P4HA1: variants seen among roughly 807,000 people sequenced by gnomAD.
P4HA1 encodes prolyl 4-hydroxylase subunit alpha 1, also known as prolyl 4-hydroxylase subunit alpha-1.
In P4HA1, 24 loss-of-function variants were observed where a neutral mutation model predicts 72.8. The ratio of observed to expected loss-of-function variants is 0.33; its 90% CI spans 0.24 to 0.46. The LOEUF (loss-of-function observed/expected upper bound fraction) is 0.46. Ranked by LOEUF, P4HA1 falls within the 20% of genes least tolerant of loss-of-function variation. The pLI, the probability that P4HA1 is intolerant of heterozygous loss-of-function variation, is 1.00. For missense variants in P4HA1, 446 were observed against 640.6 expected, an observed-to-expected ratio of 0.70 and a Z score of 3.28; for synonymous variants, 201 against 218.8, an observed-to-expected ratio of 0.92 and a Z score of 0.72.
chr10:73,083,824 G>C (rs1222947688), intron 1 of P4HA1, among the ~76,000 whole-genome samples: 1 of 151,906 alleles, frequency 6.6e-6, no homozygotes, highest in Non-Finnish European at 1.5e-5. Flanking sequence ...ATATGTAACA[G>C]GTTTTTTAAA....
intron 11 of P4HA1, 152 bp from the exon 12 acceptor site, chr10:73,014,441 C>T: frequency 1.6e-6 from 1 of 611,426 alleles, no homozygotes; most frequent in Non-Finnish European, 2.9e-6. Context: ...CTATAAACAT[C>T]AGGCAATCTT....
chr10:73,035,508 C>T (rs1211038372), intron 9 of P4HA1, among the ~76,000 whole-genome samples: 1 of 151,990 alleles, frequency 6.6e-6, no homozygotes, highest in Non-Finnish European at 1.5e-5. Context: ...AGAATGAGAC[C>T]TCATCTCTTA....
At chr10:73,094,331 TAG>T (rs928284082) in intron 1 of P4HA1, among the ~76,000 whole-genome samples, 5 of 152,148 alleles carry the variant, frequency 3.3e-5, no homozygotes, top group Non-Finnish European at 7.4e-5. Flanking sequence ...TAGATACCCT[TAG>T]AGAGTAACTT....
intron 5 of P4HA1, among the ~76,000 whole-genome samples, chr10:73,059,636 A>G (rs1841262326): frequency 6.6e-6 from 1 of 151,004 alleles, no homozygotes; most frequent in Non-Finnish European, 1.5e-5. Context: ...CCAGCTACTC[A>G]GGAGGCTGAG....
chr10:73,069,112 C>G (rs966430288), intron 4 of P4HA1, 129 bp from the exon 5 acceptor site: 2 of 658,512 alleles, frequency 3.0e-6, no homozygotes, highest in Middle Eastern at 3.7e-4. Flanking sequence ...TCTACATACT[C>G]AACAAGAAAA....
rs200745198 is a variant in P4HA1, at chr10:73,009,821, A to G, written c.1520T>C (p.Val507Ala). The part of the protein sequence containing the change: ...STRHAACPVL[V>A]GNKWVSNKWL... Reference sequence around the variant, plus strand: ...GAAATATTTACCCCATTTGTTGCCAACTAGCACTGGACAGGCTGCATGCCG... The same window carrying G: ...GAAATATTTACCCCATTTGTTGCCAGCTAGCACTGGACAGGCTGCATGCCG... Residue 507 changes from valine (V) to alanine (A), a missense_variant, in exon 14 of 15, where the codon GTT becomes GCT. Physicochemically the swap from Val to Ala is moderately conservative, Grantham distance 64. Coordinates refer to ENST00000394890, the MANE Select transcript of P4HA1 (RefSeq NM_001017962.3). The G allele has an allele frequency of 1.3e-6, 2 of 1,591,616 alleles. No homozygotes were observed. Among genetic ancestry groups the G allele is most frequent in the Non-Finnish European group, 8.6e-7 (1 of 1,159,606 alleles).
At chr10:73,008,342 TTTAA>T (rs759580295) in intron 14 of P4HA1, 50 bp from the exon 15 acceptor site, 3 of 1,144,510 alleles carry the variant, frequency 2.6e-6, no homozygotes, top group Admixed American at 3.5e-5. Context: ...CTAATCAGTA[TTTAA>T]TTAGTTTCTA....
intron 4 of P4HA1, among the ~76,000 whole-genome samples, chr10:73,069,812 T>C (rs1449476053): frequency 7.0e-6 from 1 of 143,342 alleles, no homozygotes; most frequent in Non-Finnish European, 1.5e-5. Context: ...AACTGTTTTG[T>C]TTTTTTTTTT....
chr10:73,047,150 T>C (rs769556412), intron 7 of P4HA1, 49 bp from the exon 8 acceptor site: 2 of 1,253,560 alleles, frequency 1.6e-6, no homozygotes, highest in African/African-American at 3.0e-5. Context: ...TAATAATACT[T>C]TTAATATCTA....
intron 9 of P4HA1, chr10:73,043,812 G>A: frequency 9.2e-7 from 1 of 1,085,378 alleles, no homozygotes; most frequent in South Asian, 1.3e-5. Context: ...ACTATATCAT[G>A]AGTTTTCAGA....
intron 1 of P4HA1, among the ~76,000 whole-genome samples, chr10:73,075,859 C>T (rs76886564): frequency 0.07 from 10,694 of 152,022 alleles, 634 homozygotes; most frequent in East Asian, 0.3. Flanking sequence ...GCGTGAGCCA[C>T]GGCACCCGGC....
intron 1 of P4HA1, among the ~76,000 whole-genome samples, chr10:73,086,569 A>AATGT (rs950375961): frequency 3.9e-5 from 6 of 152,304 alleles, no homozygotes; most frequent in African/African-American, 1.4e-4. Context: ...AAGCCACTGA[A>AATGT]ATGTATACTT....
At chr10:73,027,646 A>C (rs937494231) in intron 10 of P4HA1, among the ~76,000 whole-genome samples, 970 of 41,332 alleles carry the variant, frequency 0.023, 9 homozygotes, top group Non-Finnish European at 0.035. Context: ...AGGGAGGGGG[A>C]GGGGGGAGGG....
At chr10:73,041,472 C>T (rs935168911) in intron 9 of P4HA1, among the ~76,000 whole-genome samples, 7 of 149,666 alleles carry the variant, frequency 4.7e-5, no homozygotes, top group East Asian at 2.0e-4. Context: ...ACCCAGGAGG[C>T]GGAGCTTGCA....
rs151028824 is a variant in P4HA1 at position 73,058,774 on chromosome 10, C to CTTTTTTT, written c.464-5191_464-5185dup. The stretch of plus-strand genomic sequence containing the variant: ...AGTACATAACAGTATTTATAGTATG[C>CTTTTTTT]TTTTTTTTTTTTTTTTTTTTGAGAC... On this transcript the variant is annotated intron_variant, in intron 5 of 14. Transcript: ENST00000394890. Among the ~76,000 whole-genome samples, 61 of 123,826 alleles carry CTTTTTTT rather than the reference C, an allele frequency of 4.9e-4. 1 individual carries two copies. Among genetic ancestry groups the CTTTTTTT allele is most frequent in the African/African-American group, 1.9e-3 (60 of 31,246 alleles). 81.2% of individuals were successfully genotyped at this position (123,826 alleles called of 152,430 possible).
intron 10 of P4HA1, among the ~76,000 whole-genome samples, chr10:73,023,856 C>T (rs983832341): frequency 2.7e-5 from 4 of 147,120 alleles, no homozygotes; most frequent in Admixed American, 6.8e-5. Flanking sequence ...TCTGATCAAA[C>T]AGACTTTAAA....
rs765042884 is a variant in P4HA1 at position 73,046,978 on chromosome 10, C to T, written c.1024G>A (p.Asp342Asn). 3 of 1,612,980 alleles carry T rather than the reference C, an allele frequency of 1.9e-6. No individual in the cohort carries two copies. In the African/African-American group the frequency reaches 4.0e-5, roughly 22 times the overall value. ...WDKPRIIRFH[D>N]IISDAEIEIV... is the part of the protein sequence containing the mutation. ...TCAATTTCTGCATCAGAAATAATAT[C>T]ATGGAAGCGAATAATACGAGGCTTG... The change falls in exon 8 of 15, where the codon GAT (aspartate) becomes AAT (asparagine). Residue 342 changes from aspartate (D) to asparagine (N), a missense_variant. Transcript: ENST00000394890.
intron 1 of P4HA1, among the ~76,000 whole-genome samples, chr10:73,078,931 T>A (rs1841765172): frequency 6.6e-6 from 1 of 152,070 alleles, no homozygotes; most frequent in Non-Finnish European, 1.5e-5. Flanking sequence ...CTTTTATATC[T>A]CTGTATTTTC....
intron 9 of P4HA1, among the ~76,000 whole-genome samples, chr10:73,040,622 CG>C (rs1840709613): frequency 6.6e-6 from 1 of 151,602 alleles, no homozygotes; most frequent in South Asian, 2.1e-4. Flanking sequence ...ATTACAGGCG[CG>C]CCACCACACC....
Sources: gnomAD v4.1 joint callset for allele counts (sites outside exome capture counted in the v4.1 genomes callset) on GRCh38, gnomAD v4.1.1 for gene constraint, MANE v1.5 for transcripts, NCBI Gene and HGNC (gene_info 2026-07-23, HGNC 2026-07-21) for gene names.